The following DNAH9 variants were observed in gnomAD, a reference collection of about 807,000 sequenced individuals.
DNAH9 encodes DNAH9 variant protein.
A neutral mutation model predicts 471.6 loss-of-function variants in DNAH9; 345 were observed. The ratio of observed to expected loss-of-function variants is 0.73; its 90% CI spans 0.67 to 0.80. DNAH9 has a LOEUF of 0.80. DNAH9 is among the 30% of genes least tolerant of loss of function. The probability of loss-of-function intolerance (pLI) is 0.00; values close to 1 mark genes in which losing one functional copy is unlikely to be tolerated. For synonymous variants in DNAH9, 2,093 were observed against 2,123.6 expected, an observed-to-expected ratio of 0.99 and a Z score of 0.40; for missense variants, 5,407 against 5,609.2, an observed-to-expected ratio of 0.96 and a Z score of 1.15.
At chr17:11,608,051 G>A in intron 1 of DNAH9, 78 bp from the exon 2 acceptor site, 3 of 1,164,570 alleles carry the variant, frequency 2.6e-6, no homozygotes, top group Non-Finnish European at 3.7e-6. Flanking sequence ...AGCTTTATAA[G>A]CCTTTTCCAG....
intron 26 of DNAH9, among the ~76,000 whole-genome samples, chr17:11,712,713 T>G (rs370690789): frequency 1.3e-5 from 2 of 152,178 alleles, no homozygotes; most frequent in Admixed American, 1.3e-4. Context: ...TAGCCATTCA[T>G]GCATCTTCTT....
intron 61 of DNAH9, among the ~76,000 whole-genome samples, chr17:11,915,333 G>A (rs147850511): frequency 6.6e-6 from 1 of 152,196 alleles, no homozygotes; most frequent in East Asian, 1.9e-4. Flanking sequence ...ATACCAACCT[G>A]TCCAACATGC....
chr17:11,954,258 A>C (rs1465619688), intron 67 of DNAH9, among the ~76,000 whole-genome samples: 1 of 152,146 alleles, frequency 6.6e-6, no homozygotes, highest in African/African-American at 2.4e-5. Flanking sequence ...GGCCAAAAAA[A>C]CTATTTGAAG....
At chr17:11,809,861 T>C (rs985512740) in intron 44 of DNAH9, among the ~76,000 whole-genome samples, 3 of 152,162 alleles carry the variant, frequency 2.0e-5, no homozygotes, top group Non-Finnish European at 2.9e-5. Flanking sequence ...CTTATATATG[T>C]GTAAGACAGA....
intron 13 of DNAH9, among the ~76,000 whole-genome samples, chr17:11,652,513 C>T (rs1473403253): frequency 6.6e-6 from 1 of 152,006 alleles, no homozygotes. Flanking sequence ...TCTCGATCTC[C>T]TGACCTCGTG....
intron 28 of DNAH9, among the ~76,000 whole-genome samples, chr17:11,733,083 G>A (rs886980424): frequency 6.6e-6 from 1 of 152,228 alleles, no homozygotes; most frequent in African/African-American, 2.4e-5. Context: ...GTGGTGAGTG[G>A]GTTGCATTTC....
intron 26 of DNAH9, among the ~76,000 whole-genome samples, chr17:11,717,793 C>G (rs1357366096): frequency 6.6e-6 from 1 of 152,166 alleles, no homozygotes; most frequent in Admixed American, 6.5e-5. Flanking sequence ...TTCCTTCTCT[C>G]ACTCCAAACC....
At chr17:11,773,975 CA>C (rs1024044662) in intron 38 of DNAH9, among the ~76,000 whole-genome samples, 85 of 145,162 alleles carry the variant, frequency 5.9e-4, no homozygotes, top group Non-Finnish European at 6.5e-4. Context: ...ATCAAAAATA[CA>C]AAAAAAAAAA....
At chr17:11,711,947 T>A (rs191285203) in intron 26 of DNAH9, among the ~76,000 whole-genome samples, 2 of 22,146 alleles carry the variant, frequency 9.0e-5, no homozygotes, top group East Asian at 1.8e-3. Flanking sequence ...TTTGTATATA[T>A]ATTTATATAT....
chr17:11,766,380 G>A (rs970791816), intron 36 of DNAH9, among the ~76,000 whole-genome samples: 19 of 151,874 alleles, frequency 1.3e-4, no homozygotes, highest in Non-Finnish European at 1.9e-4. Flanking sequence ...GTAAGGTAGA[G>A]AAAACACCAG....
At chr17:11,783,617 C>T (rs1968748239) in intron 39 of DNAH9, 29 bp from the exon 40 acceptor site, 1 of 1,585,896 alleles carries the variant, frequency 6.3e-7, no homozygotes, top group Non-Finnish European at 8.7e-7. Context: ...CCTCAGACAC[C>T]TTTCACCTAG....
Position 11,854,435 on chromosome 17 carries a change from G to C in DNAH9, c.9933+7G>C, listed in dbSNP as rs781600051. 1 of 1,607,986 alleles carries C rather than the reference G, an allele frequency of 6.2e-7. No homozygotes were observed. The highest frequency in any genetic ancestry group is 8.5e-7 in the Non-Finnish European group (1 of 1,176,860). On this transcript the variant is annotated splice_region_variant and intron_variant, in intron 50 of 68. Coordinates refer to ENST00000262442, the MANE Select transcript of DNAH9 (RefSeq NM_001372.4). ...CATCAAAGCCAAGATCGCTGTGAGT[G>C]ACCCCAGAGCCCCTCACCCTGCTAG...
At chr17:11,800,178 C>T (rs1170269696) in intron 43 of DNAH9, among the ~76,000 whole-genome samples, 4 of 152,098 alleles carry the variant, frequency 2.6e-5, no homozygotes, top group African/African-American at 9.7e-5. Context: ...GAGAATCTCG[C>T]GTCTTCCCGT....
At chr17:11,957,152 A>C (rs1194019259) in intron 67 of DNAH9, among the ~76,000 whole-genome samples, 3 of 152,140 alleles carry the variant, frequency 2.0e-5, no homozygotes, top group Non-Finnish European at 2.9e-5. Flanking sequence ...ATTAAATTCA[A>C]CTACTTAAAT....
At chr17:11,797,856 A>T in intron 43 of DNAH9, 63 bp downstream of exon 43, 2 of 1,531,244 alleles carry the variant, frequency 1.3e-6, no homozygotes, top group Non-Finnish European at 8.9e-7. Context: ...CAGGGGTCTC[A>T]TTCGGCTATT....
At chr17:11,883,281 G>A in intron 55 of DNAH9, 2 of 1,083,400 alleles carry the variant, frequency 1.8e-6, no homozygotes, top group South Asian at 3.7e-5. Flanking sequence ...GCTCCGTTTA[G>A]TGAACACTGA....
intron 4 of DNAH9, chr17:11,612,833 C>CAT (rs1186484610): frequency 6.6e-6 from 1 of 152,192 alleles, no homozygotes; most frequent in African/African-American, 2.4e-5. Context: ...GATTTTCAAA[C>CAT]ATTTTACTTT....
In DNAH9 at chr17:11,701,924, C is replaced by T. The variant is rs141477550; in HGVS notation, c.5151+677C>T. 6.5e-3 allele frequency among the ~76,000 whole-genome samples: 983 copies of T among 152,226 alleles called. 7 individuals are homozygous for T. Among genetic ancestry groups the T allele is most frequent in the African/African-American group, 0.015 (605 of 41,534 alleles). On this transcript the variant is annotated intron_variant, in intron 24 of 68. Transcript: ENST00000262442. Reference sequence around the variant, plus strand: ...CTCAAACTCCTGAACTCAAGTGATCCGCCCACCTCGGCCTCCCAAAGTGCT... The same window carrying T: ...CTCAAACTCCTGAACTCAAGTGATCTGCCCACCTCGGCCTCCCAAAGTGCT...
intron 67 of DNAH9, among the ~76,000 whole-genome samples, chr17:11,946,567 G>A (rs1162679523): frequency 6.6e-6 from 1 of 151,154 alleles, no homozygotes; most frequent in African/African-American, 2.4e-5. Context: ...GGGAGGCTGA[G>A]GCAGGAGAAT....
Sources: gnomAD v4.1 joint callset for allele counts (sites outside exome capture counted in the v4.1 genomes callset) on GRCh38, gnomAD v4.1.1 for gene constraint, MANE v1.5 for transcripts, NCBI Gene and HGNC (gene_info 2026-07-23, HGNC 2026-07-21) for gene names.